The following ADAMTSL3 variants were observed in gnomAD, a reference collection of about 807,000 sequenced individuals.
The protein encoded by ADAMTSL3 is ADAMTS-like protein 3.
Under a neutral mutation model 201.7 loss-of-function variants are expected in ADAMTSL3, and 128 were observed. That is an observed-to-expected ratio of 0.63 (90% CI 0.55 to 0.73). The LOEUF (loss-of-function observed/expected upper bound fraction) is 0.73, where lower values mean the gene tolerates loss of function less well. Ranked by LOEUF, ADAMTSL3 falls within the 30% of genes least tolerant of loss-of-function variation. The pLI is 0.00. For missense variants in ADAMTSL3, 1,990 were observed against 2,119.6 expected (o/e 0.94, Z 1.20); for synonymous variants, 738 against 748.4 (o/e 0.99, Z 0.23).
chr15:83,942,522 CGTT>C (rs2066579460), intron 17 of ADAMTSL3, 71 bp from the exon 18 acceptor site: 1 of 1,419,724 alleles, frequency 7.0e-7, no homozygotes. Flanking sequence ...GAGAGCTTCA[CGTT>C]GTTCATGCTC....
At chr15:83,806,856 C>A (rs772158963) in intron 5 of ADAMTSL3, among the ~76,000 whole-genome samples, 25 of 151,940 alleles carry the variant, frequency 1.6e-4, no homozygotes, top group Admixed American at 5.9e-4. Flanking sequence ...CCATCTCAAA[C>A]AAGCAAGCAA....
intron 19 of ADAMTSL3, among the ~76,000 whole-genome samples, chr15:83,945,454 C>A (rs2066636945): frequency 6.6e-6 from 1 of 152,156 alleles, no homozygotes; most frequent in African/African-American, 2.4e-5. Flanking sequence ...ATAGACGGCC[C>A]AAGGGAGAAT....
At position 83,773,508 on chromosome 15, in the gene ADAMTSL3, C is replaced by G. The variant is rs1567135397; in HGVS notation, c.190-15C>G. 6.2e-6 allele frequency: 10 copies of G among 1,603,732 alleles called. No homozygotes were observed. Among genetic ancestry groups the G allele is most frequent in the Non-Finnish European group, 8.5e-6 (10 of 1,176,164 alleles). ...GTGTGGTTTTTTTTTTGTTTGTTTG[C>G]TTTTTAACATCTAGACCTCAAGAAA... On this transcript the variant is annotated splice_polypyrimidine_tract_variant and intron_variant, in intron 3 of 29. Coordinates refer to ENST00000286744, the MANE Select transcript of ADAMTSL3 (RefSeq NM_207517.3).
At chr15:83,725,843 T>G (rs966433643) in intron 3 of ADAMTSL3, among the ~76,000 whole-genome samples, 10 of 152,162 alleles carry the variant, frequency 6.6e-5, no homozygotes, top group African/African-American at 2.4e-4. Context: ...TCCAGTTTTC[T>G]TATTTTTGGT....
chr15:83,923,948 C>G lies in ADAMTSL3; in HGVS notation c.2032C>G (p.Gln678Glu). ...AGTGTGCTTACATATCCAGACCCAG[C>G]AGACAGTCAATGACAGCTTGTGTGA... ...IAVCLHIQTQ[Q>E]TVNDSLCDMV... The change falls in exon 17 of 30, where the codon CAG becomes GAG. Residue 678 changes from glutamine to glutamate, a missense_variant. Coordinates refer to ENST00000286744, the MANE Select transcript of ADAMTSL3 (RefSeq NM_207517.3). 1 of 1,614,186 alleles carries G rather than the reference C, an allele frequency of 6.2e-7. No homozygotes were observed. The highest frequency in any genetic ancestry group is 8.5e-7 in the Non-Finnish European group (1 of 1,179,988).
chr15:83,674,101 T>G (rs2061361682), intron 2 of ADAMTSL3, among the ~76,000 whole-genome samples: 1 of 151,096 alleles, frequency 6.6e-6, no homozygotes, highest in Non-Finnish European at 1.5e-5. Context: ...TGAAGTTCTA[T>G]TTATCAAATT....
At chr15:83,704,018 A>AAC (rs1555431957) in intron 2 of ADAMTSL3, among the ~76,000 whole-genome samples, 3 of 145,888 alleles carry the variant, frequency 2.1e-5, no homozygotes, top group Non-Finnish European at 4.5e-5. Context: ...AAAAAAAAAA[A>AAC]CACAAAAGGA....
intron 28 of ADAMTSL3, among the ~76,000 whole-genome samples, 180 bp from the exon 29 acceptor site, chr15:84,036,593 G>A (rs1291790095): frequency 6.6e-6 from 1 of 152,192 alleles, no homozygotes; most frequent in East Asian, 1.9e-4. Flanking sequence ...GGTGGAGAAT[G>A]TTGTCACTGT....
intron 6 of ADAMTSL3, among the ~76,000 whole-genome samples, chr15:83,836,923 A>G (rs188458857): frequency 2.5e-3 from 380 of 152,298 alleles, no homozygotes; most frequent in Non-Finnish European, 3.6e-3. Context: ...TTAGATGAAT[A>G]TGGGAAGGAA....
At chr15:84,002,641 G>A (rs1255342263) in intron 23 of ADAMTSL3, among the ~76,000 whole-genome samples, 2 of 151,962 alleles carry the variant, frequency 1.3e-5, no homozygotes, top group Non-Finnish European at 2.9e-5. Context: ...AGATTCCATG[G>A]AGCCTTGTCA....
chr15:83,991,236 G>A (rs769194255), intron 23 of ADAMTSL3, 22 bp downstream of exon 23: 2 of 1,613,806 alleles, frequency 1.2e-6, no homozygotes, highest in Non-Finnish European at 8.5e-7. Context: ...CATTTCAGTG[G>A]GAGGCCATTT....
chr15:83,692,076 T>C (rs2061615909), intron 2 of ADAMTSL3, among the ~76,000 whole-genome samples: 1 of 152,178 alleles, frequency 6.6e-6, no homozygotes, highest in African/African-American at 2.4e-5. Flanking sequence ...ACACACTGCT[T>C]GGATCATAGA....
intron 2 of ADAMTSL3, among the ~76,000 whole-genome samples, chr15:83,680,022 T>G (rs1001312953): frequency 1.3e-5 from 2 of 152,152 alleles, no homozygotes; most frequent in African/African-American, 2.4e-5. Context: ...AAATTCAGAC[T>G]TTTCACTCTT....
intron 23 of ADAMTSL3, among the ~76,000 whole-genome samples, chr15:84,001,997 T>G (rs2067799366): frequency 6.6e-6 from 1 of 152,244 alleles, no homozygotes; most frequent in African/African-American, 2.4e-5. Flanking sequence ...GTATTTGGAT[T>G]ATTGATTTAG....
chr15:83,930,872 A>G (rs1272109799), intron 17 of ADAMTSL3, among the ~76,000 whole-genome samples: 1 of 152,252 alleles, frequency 6.6e-6, no homozygotes, highest in Non-Finnish European at 1.5e-5. Flanking sequence ...AATATTTTCC[A>G]TACAAATATT....
intron 17 of ADAMTSL3, among the ~76,000 whole-genome samples, chr15:83,934,616 TA>T (rs1328158805): frequency 6.6e-6 from 1 of 152,178 alleles, no homozygotes; most frequent in African/African-American, 2.4e-5. Context: ...ATGATATGGT[TA>T]GGCTTTGTGT....
At position 83,950,816 on chromosome 15, in the gene ADAMTSL3, A is replaced by G. The variant is rs549507342; in HGVS notation, c.2490+7734A>G. On this transcript the variant is annotated intron_variant, in intron 19 of 29. Coordinates refer to ENST00000286744, the MANE Select transcript of ADAMTSL3 (RefSeq NM_207517.3). ...TTTTTTGATTGTTCGCTGTTGGCTT[A>G]TAGAAATGCTACTGATATTTGTATG... Among the ~76,000 whole-genome samples the G allele has an allele frequency of 9.9e-4, 151 of 152,164 alleles. 2 individuals are homozygous for G. The South Asian group carries it at 0.031, about 31-fold the overall frequency.
intron 9 of ADAMTSL3, among the ~76,000 whole-genome samples, chr15:83,875,294 C>T (rs1204777919): frequency 1.3e-5 from 2 of 152,214 alleles, no homozygotes; most frequent in African/African-American, 4.8e-5. Flanking sequence ...TGTCATTCAT[C>T]ATAGGACTCC....
intron 21 of ADAMTSL3, among the ~76,000 whole-genome samples, chr15:83,988,298 C>T (rs577947393): frequency 2.6e-5 from 4 of 152,320 alleles, no homozygotes; most frequent in Admixed American, 1.3e-4. Context: ...AAATCCACAC[C>T]TGCAGTTTGT....
Sources: allele counts gnomAD v4.1 joint callset (sites outside exome capture counted in the v4.1 genomes callset), GRCh38; gene constraint gnomAD v4.1.1; transcripts MANE v1.5; gene names NCBI Gene and HGNC (gene_info 2026-07-23, HGNC 2026-07-21).